PPL: variants seen among roughly 807,000 people sequenced by gnomAD.
The protein encoded by PPL is periplakin.
Under a neutral mutation model 194.4 loss-of-function variants are expected in PPL, and 198 were observed. That is an observed-to-expected ratio of 1.02 (90% CI 0.91 to 1.15). The LOEUF (loss-of-function observed/expected upper bound fraction) is 1.15, where lower values mean the gene tolerates loss of function less well. Ranked by LOEUF, PPL falls within the 50% of genes most tolerant of loss-of-function variation. The probability of loss-of-function intolerance (pLI) is 0.00; values close to 1 mark genes in which losing one functional copy is unlikely to be tolerated. For synonymous variants in PPL, 1,220 were observed against 972.4 expected (o/e 1.25, Z -4.74); for missense variants, 2,885 against 2,294.8 (o/e 1.26, Z -5.25).
intron 2 of PPL, among the ~76,000 whole-genome samples, chr16:4,904,303 C>T (rs945980443): frequency 6.6e-6 from 1 of 152,208 alleles, no homozygotes; most frequent in Non-Finnish European, 1.5e-5. Flanking sequence ...AAACAGAGCT[C>T]AAGTACCTAC....
chr16:4,931,398 G>T (rs569745918), intron 1 of PPL, among the ~76,000 whole-genome samples: 1 of 152,116 alleles, frequency 6.6e-6, no homozygotes, highest in Non-Finnish European at 1.5e-5. Flanking sequence ...AAAAAAATAG[G>T]TTGGGGTAGG....
chr16:4,890,481 A>C (rs1191804180), intron 17 of PPL, 147 bp from the exon 18 acceptor site: 44 of 1,161,442 alleles, frequency 3.8e-5, no homozygotes, highest in Non-Finnish European at 1.4e-5. Flanking sequence ...GTCATTAGGG[A>C]ACGTCAGGTT....
intron 1 of PPL, among the ~76,000 whole-genome samples, chr16:4,916,671 AT>A (rs71139664): frequency 0.73 from 107,528 of 147,610 alleles, 39,648 homozygotes; most frequent in Non-Finnish European, 0.79. Context: ...TGCCCAGCTA[AT>A]TTTTTTTTTT....
chr16:4,888,190 C>G lies in PPL; in HGVS notation c.2426G>C (p.Arg809Thr), dbSNP rs2088249950. 1.2e-6 allele frequency: 2 copies of G among 1,612,908 alleles called. No homozygotes were observed. Among genetic ancestry groups the G allele is most frequent in the African/African-American group, 2.7e-5 (2 of 74,908 alleles). Residue 809 changes from arginine (R) to threonine (T), a missense_variant, in exon 20 of 22, where the codon AGG becomes ACG. Coordinates refer to ENST00000345988, the MANE Select transcript of PPL (RefSeq NM_002705.5). ...TCCATTCTCCAAGTCGAGAAGAGAC[C>G]TTAGTTTTTCTGCTTCTAACTCATA... ...KDYELEAEKL[R>T]SLLDLENGRR...
intron 2 of PPL, among the ~76,000 whole-genome samples, chr16:4,908,756 G>C (rs1050848530): frequency 3.9e-5 from 6 of 152,186 alleles, no homozygotes; most frequent in African/African-American, 1.2e-4. Context: ...GCTCAGGCTT[G>C]TCTGAAACTC....
intron 6 of PPL, 129 bp downstream of exon 6, chr16:4,900,701 G>A (rs2088545729): frequency 4.6e-6 from 6 of 1,291,690 alleles, no homozygotes; most frequent in Non-Finnish European, 6.6e-6. Context: ...GCCTCCCAAA[G>A]TGCTAGGCGT....
rs370650271 is a variant in PPL, at chr16:4,898,995, G to A, written c.876+18C>T. On this transcript the variant is annotated intron_variant, in intron 8 of 21. Coordinates refer to ENST00000345988, the MANE Select transcript of PPL (RefSeq NM_002705.5). ...GAAGCCACCCTGGGGGAGGTGTCTG[G>A]TCTCGGGGTGCATGAACCTCAATGG... 2.5e-6 allele frequency: 4 copies of A among 1,608,728 alleles called. No individual in the cohort carries two copies. The highest frequency in any genetic ancestry group is 3.4e-6 in the Non-Finnish European group (4 of 1,176,014).
chr16:4,926,212 G>A (rs920726375), intron 1 of PPL, among the ~76,000 whole-genome samples: 7 of 152,194 alleles, frequency 4.6e-5, no homozygotes, highest in African/African-American at 1.7e-4. Flanking sequence ...AAGACCACTT[G>A]CTCAGGGTCA....
At position 4,902,330 on chromosome 16, in the gene PPL, G is replaced by C; in HGVS notation, c.438+76C>G. 8.2e-6 allele frequency: 13 copies of C among 1,582,884 alleles called. No homozygotes were observed. Among genetic ancestry groups the C allele is most frequent in the Non-Finnish European group, 1.1e-5 (13 of 1,163,956 alleles). ...TAAGACCCGGGATGCCCATTACATGGGTAGGCTCTCCCTGCACACGCACAG... is the reference window on the plus strand; with the variant it reads ...TAAGACCCGGGATGCCCATTACATGCGTAGGCTCTCCCTGCACACGCACAG... On this transcript the variant is annotated intron_variant, in intron 4 of 21. Transcript: ENST00000345988. This position sits in a 1 kb window ranked among gnomAD's most constrained non-coding sequence, Gnocchi z 4.0.
chr16:4,929,533 T>C (rs1197594073), intron 1 of PPL, among the ~76,000 whole-genome samples: 1 of 152,212 alleles, frequency 6.6e-6, no homozygotes, highest in Non-Finnish European at 1.5e-5. Flanking sequence ...CAGCCACGCA[T>C]GTCCCCACCA....
chr16:4,893,156 C>G, intron 14 of PPL, 57 bp downstream of exon 14: 1 of 1,448,658 alleles, frequency 6.9e-7, no homozygotes, highest in Non-Finnish European at 9.1e-7. Context: ...AATAGGGGCC[C>G]CAGGGGGCCA....
At chr16:4,906,089 C>A (rs772239525) in intron 2 of PPL, among the ~76,000 whole-genome samples, 5 of 152,304 alleles carry the variant, frequency 3.3e-5, no homozygotes, top group Admixed American at 6.5e-5. Context: ...GCCTTGGCGA[C>A]AGAGCGAGAC....
chr16:4,896,666 G>A (rs1489837161), intron 9 of PPL, among the ~76,000 whole-genome samples: 1 of 147,520 alleles, frequency 6.8e-6, no homozygotes, highest in African/African-American at 2.5e-5. Context: ...TTGAGGCGGA[G>A]ACTCACTCTG....
chr16:4,935,667 G>T (rs2089287751), intron 1 of PPL, among the ~76,000 whole-genome samples: 1 of 152,196 alleles, frequency 6.6e-6, no homozygotes, highest in Non-Finnish European at 1.5e-5. Context: ...CACAGGGCAG[G>T]GGGGTTTCTG....
At chr16:4,892,298 C>T (rs2088336155) in intron 14 of PPL, 85 bp from the exon 15 acceptor site, 3 of 1,410,800 alleles carry the variant, frequency 2.1e-6, no homozygotes, top group Non-Finnish European at 2.9e-6. Flanking sequence ...CACAGATTCC[C>T]ACATCAGGCA....
chr16:4,901,102 G>T lies in PPL; in HGVS notation c.439-13C>A. On this transcript the variant is annotated splice_polypyrimidine_tract_variant and intron_variant, in intron 4 of 21. Transcript: ENST00000345988. ...TGTTCAGCTTGTCCTGGCCAGGAGG[G>T]CAGAGAAGCAATAAGGAGAGGGTGG... is the stretch of plus-strand genomic sequence containing the variant. 6.2e-7 allele frequency: 1 copy of T among 1,613,750 alleles called. No individual in the cohort carries two copies. Among genetic ancestry groups the T allele is most frequent in the Admixed American group, 1.7e-5 (1 of 59,978 alleles).
At chr16:4,913,236 G>T (rs2088855072) in intron 1 of PPL, among the ~76,000 whole-genome samples, 1 of 152,198 alleles carries the variant, frequency 6.6e-6, no homozygotes, top group Non-Finnish European at 1.5e-5. Flanking sequence ...GACCACTCTG[G>T]AAAATGCTCT....
At chr16:4,906,438 G>A (rs11859382) in intron 2 of PPL, among the ~76,000 whole-genome samples, 1 of 152,020 alleles carries the variant, frequency 6.6e-6, no homozygotes, top group Admixed American at 6.6e-5. Flanking sequence ...TGTTAGCCAG[G>A]ATGGTCTCGA....
At position 4,884,160 on chromosome 16, in the gene PPL, C is replaced by T; in HGVS notation, c.4495G>A (p.Val1499Met). 6.2e-7 allele frequency: 1 copy of T among 1,613,952 alleles called. No homozygotes were observed. The highest frequency in any genetic ancestry group is 8.5e-7 in the Non-Finnish European group (1 of 1,180,022). ...ACCTGGACACTCTCGGAGAGCACCA[C>T]CTTCTCCTTGACCTCCGCCTTCTCC... Reference protein sequence around the residue: ...ALEKAEVKEKVVLSESVQVEK... With the variant: ...ALEKAEVKEKMVLSESVQVEK... Residue 1499 changes from valine to methionine, a missense_variant, in exon 22 of 22, where the codon GTG (valine) becomes ATG (methionine). Physicochemically the swap from Val to Met is conservative, Grantham distance 21. Coordinates refer to ENST00000345988, the MANE Select transcript of PPL (RefSeq NM_002705.5). This position sits in a 1 kb window ranked among gnomAD's most constrained non-coding sequence, Gnocchi z 5.7.
Sources: gnomAD v4.1 joint callset for allele counts (sites outside exome capture counted in the v4.1 genomes callset) on GRCh38, gnomAD v4.1.1 for gene constraint, Gnocchi (gnomAD v3.1) non-coding constraint, MANE v1.5 for transcripts, NCBI Gene and HGNC (gene_info 2026-07-23, HGNC 2026-07-21) for gene names.